The following NPAT variants were observed in gnomAD, a reference collection of about 807,000 sequenced individuals.
NPAT encodes the protein nuclear protein, coactivator of histone transcription, also known as protein NPAT.
In NPAT, 52 loss-of-function variants were observed where a neutral mutation model predicts 130.7. The ratio of observed to expected loss-of-function variants is 0.40; its 90% CI spans 0.32 to 0.50. The LOEUF is 0.50. Among genes scored for constraint, NPAT ranks in the 20% least tolerant of loss-of-function variants. The pLI is 0.68. For synonymous variants in NPAT, 580 were observed against 584.8 expected (o/e 0.99, Z 0.12); for missense variants, 1,687 against 1,662.6 (o/e 1.01, Z -0.26).
intron 3 of NPAT, among the ~76,000 whole-genome samples, chr11:108,192,933 A>G (rs1356127555): frequency 6.6e-6 from 1 of 152,086 alleles, no homozygotes; most frequent in Non-Finnish European, 1.5e-5. Flanking sequence ...CAGCCTGGGC[A>G]ACAGAGCGAG....
chr11:108,161,558 T>C lies in NPAT; in HGVS notation c.3528A>G (p.Glu1176=). 1 of 1,614,224 alleles carries C rather than the reference T, an allele frequency of 6.2e-7. No individual in the cohort carries two copies. Among genetic ancestry groups the C allele is most frequent in the Non-Finnish European group, 8.5e-7 (1 of 1,180,028 alleles). ...NKENELCSDV[E]RQKNPENSKL... ...TTGAATTTTCTGGATTTTTCTGTCTTTCTACATCGCTGCATAATTCATTCT... is the reference window on the plus strand; with the variant it reads ...TTGAATTTTCTGGATTTTTCTGTCTCTCTACATCGCTGCATAATTCATTCT... The change falls in exon 17 of 18, where the codon GAA becomes GAG. Residue 1176 remains glutamate, a synonymous_variant. Transcript: ENST00000278612.
intron 1 of NPAT, among the ~76,000 whole-genome samples, chr11:108,207,028 T>G (rs892564179): frequency 3.3e-5 from 5 of 151,808 alleles, no homozygotes; most frequent in African/African-American, 1.2e-4. Flanking sequence ...AGCTCCTTTC[T>G]GCAGGCAAGT....
chr11:108,188,991 A>G, intron 6 of NPAT, 115 bp downstream of exon 6: 1 of 827,110 alleles, frequency 1.2e-6, no homozygotes, highest in Non-Finnish European at 2.0e-6. Context: ...AGTCTCTCTC[A>G]TCTTTTATGG....
At chr11:108,174,468 G>C (rs1316570708) in intron 12 of NPAT, among the ~76,000 whole-genome samples, 1 of 144,158 alleles carries the variant, frequency 6.9e-6, no homozygotes, top group Non-Finnish European at 1.5e-5. Context: ...CTATAGAACA[G>C]AAAGTCATAA....
intron 10 of NPAT, among the ~76,000 whole-genome samples, chr11:108,177,450 G>T (rs1398074983): frequency 6.6e-6 from 1 of 152,082 alleles, no homozygotes; most frequent in African/African-American, 2.4e-5. Flanking sequence ...GTGGGCCACT[G>T]TACTCAGCGT....
chr11:108,185,206 C>T, intron 10 of NPAT, 26 bp downstream of exon 10: 4 of 1,483,756 alleles, frequency 2.7e-6, no homozygotes, highest in Non-Finnish European at 3.8e-6. Flanking sequence ...CACACACGCA[C>T]CCATGCACAC....
At position 108,178,370 on chromosome 11, in the gene NPAT, G is replaced by T. The variant is rs114726423; in HGVS notation, c.907-1280C>A. On this transcript the variant is annotated intron_variant, in intron 10 of 17. Transcript: ENST00000278612. ...TGTTTCTGGGGGAGTATGAGAAATA[G>T]GGAGTAGATACAGTTTAACTCCTTC... is the stretch of plus-strand genomic sequence containing the variant. Among the ~76,000 whole-genome samples the T allele has an allele frequency of 6.1e-3, 932 of 152,196 alleles. 8 individuals are homozygous for T. Among genetic ancestry groups the T allele is most frequent in the African/African-American group, 0.02 (821 of 41,516 alleles).
At chr11:108,175,038 T>C (rs1348796950) in intron 12 of NPAT, among the ~76,000 whole-genome samples, 5 of 152,244 alleles carry the variant, frequency 3.3e-5, no homozygotes, top group African/African-American at 1.2e-4. Flanking sequence ...AACTAGCATA[T>C]ACAGCAGTCT....
At chr11:108,171,919 C>CT (rs1484637062) in intron 13 of NPAT, 1 of 390,794 alleles carries the variant, frequency 2.6e-6, no homozygotes, top group Non-Finnish European at 4.7e-6. Flanking sequence ...ATGAATTAGT[C>CT]TGTCTTTTCT....
chr11:108,213,413 A>G (rs536657089), intron 1 of NPAT, among the ~76,000 whole-genome samples: 5 of 152,376 alleles, frequency 3.3e-5, no homozygotes, highest in South Asian at 4.1e-4. Context: ...TAGTTACAAT[A>G]GCATCAAAAG....
chr11:108,173,586 A>T lies in NPAT; in HGVS notation c.1398T>A (p.His466Gln). ...RGNSNAECNP[H>Q]CAELYTNQMS... Reference sequence around the variant, plus strand: ...TCTGATTGGTGTATAATTCAGCACAATGTGGATTACATTCAGCATTAGAAT... The same window carrying T: ...TCTGATTGGTGTATAATTCAGCACATTGTGGATTACATTCAGCATTAGAAT... Residue 466 changes from histidine to glutamine, a missense_variant, in exon 13 of 18, where the codon CAT (histidine) becomes CAA (glutamine). Coordinates refer to ENST00000278612, the MANE Select transcript of NPAT (RefSeq NM_002519.3). 1 of 1,614,178 alleles carries T rather than the reference A, an allele frequency of 6.2e-7. No homozygotes were observed. Among genetic ancestry groups the T allele is most frequent in the Non-Finnish European group, 8.5e-7 (1 of 1,180,020 alleles).
chr11:108,161,645 T>C lies in NPAT; in HGVS notation c.3441A>G (p.Glu1147=). 1 of 1,614,130 alleles carries C rather than the reference T, an allele frequency of 6.2e-7. No homozygotes were observed. Among genetic ancestry groups the C allele is most frequent in the Non-Finnish European group, 8.5e-7 (1 of 1,180,044 alleles). The change falls in exon 17 of 18, where the codon GAA becomes GAG. Residue 1147 remains glutamate (E), a synonymous_variant. Coordinates refer to ENST00000278612, the MANE Select transcript of NPAT (RefSeq NM_002519.3). ...CAATTTCTGTTGGTGAAACTTTCTT[T>C]TCTGATTGAGTTTCTCTTATGGTGG... is the stretch of plus-strand genomic sequence containing the variant. ...RHTTIRETQS[E]KKVSPTEIVL... is the part of the protein sequence containing the mutation.
intron 1 of NPAT, among the ~76,000 whole-genome samples, chr11:108,204,551 GCCGAAC>G (rs1461986025): frequency 4.5e-4 from 15 of 33,300 alleles, no homozygotes; most frequent in Non-Finnish European, 2.4e-4. Flanking sequence ...CCTGGAACCT[GCCGAAC>G]CTGCCGAACC....
chr11:108,192,988 GA>G (rs1252631156), intron 3 of NPAT, among the ~76,000 whole-genome samples: 6 of 151,756 alleles, frequency 4.0e-5, no homozygotes, highest in African/African-American at 1.2e-4. Context: ...GACTAAATGA[GA>G]AAAAAAACAT....
chr11:108,189,834 C>T (rs2078148132), intron 5 of NPAT, among the ~76,000 whole-genome samples: 1 of 144,776 alleles, frequency 6.9e-6, no homozygotes, highest in South Asian at 2.2e-4. Flanking sequence ...CGCGCCACTG[C>T]ACTCCAGCCT....
intron 3 of NPAT, among the ~76,000 whole-genome samples, chr11:108,193,515 C>T (rs1157299946): frequency 2.0e-5 from 3 of 152,082 alleles, no homozygotes; most frequent in African/African-American, 4.8e-5. Context: ...CACCTGAGGT[C>T]GGGAGTTCGA....
At chr11:108,207,004 G>A (rs1230925368) in intron 1 of NPAT, among the ~76,000 whole-genome samples, 1 of 152,096 alleles carries the variant, frequency 6.6e-6, no homozygotes, top group Non-Finnish European at 1.5e-5. Context: ...ACAGAGAGGA[G>A]ACCCACAGTG....
At position 108,173,561 on chromosome 11, in the gene NPAT, T is replaced by C. The variant is rs185393090; in HGVS notation, c.1423A>G (p.Met475Val). The C allele has an allele frequency of 4.3e-6, 7 of 1,614,090 alleles. No homozygotes were observed. The highest frequency in any genetic ancestry group is 5.9e-6 in the Non-Finnish European group (7 of 1,180,034). Residue 475 changes from methionine (M) to valine (V), a missense_variant, in exon 13 of 18, where the codon ATG (methionine) becomes GTG (valine). Coordinates refer to ENST00000278612, the MANE Select transcript of NPAT (RefSeq NM_002519.3). ...PHCAELYTNQ[M>V]STETEMAIGI... ...ATAGCCATTTCAGTTTCAGTGGACA[T>C]CTGATTGGTGTATAATTCAGCACAA...
At position 108,161,488 on chromosome 11, in the gene NPAT, A is replaced by C. The variant is rs771856668; in HGVS notation, c.3598T>G (p.Ser1200Ala). 1 of 1,614,156 alleles carries C rather than the reference A, an allele frequency of 6.2e-7. No homozygotes were observed. The highest frequency in any genetic ancestry group is 2.2e-5 in the East Asian group (1 of 44,894). Residue 1200 changes from serine (S) to alanine (A), a missense_variant, in exon 17 of 18, where the codon TCT (serine) becomes GCT (alanine). Around this residue, in one of 3 missense-constraint regions of NPAT, gnomAD observed 1,379 missense variants for 1,346.6 expected, o/e 1.02. Coordinates refer to ENST00000278612, the MANE Select transcript of NPAT (RefSeq NM_002519.3). ...GTCATTTCTTGCAGTGAAGCTATAG[A>C]TTTCTCACTTCGCAAACCCCCATTT... ...QQNGGLRSEK[S>A]IASLQEMTKK...
Sources: allele counts gnomAD v4.1 joint callset (sites outside exome capture counted in the v4.1 genomes callset), GRCh38; gene constraint gnomAD v4.1.1; regional missense constraint gnomAD v4.1.1; transcripts MANE v1.5; gene names NCBI Gene and HGNC (gene_info 2026-07-23, HGNC 2026-07-21).